Variants in ARHGAP24 observed in about 807,000 individuals in gnomAD.
ARHGAP24 encodes Rho GTPase activating protein 24, also known as rho GTPase-activating protein 24.
Under a neutral mutation model 76.4 loss-of-function variants are expected in ARHGAP24, and 50 were observed. That is an observed-to-expected ratio of 0.65 (90% CI 0.52 to 0.83). The LOEUF is 0.83. Ranked by LOEUF, ARHGAP24 falls within the 40% of genes least tolerant of loss-of-function variation. The pLI, the probability that ARHGAP24 is intolerant of heterozygous loss-of-function variation, is 0.00. For missense variants in ARHGAP24, 930 were observed against 914.2 expected (o/e 1.02, Z -0.22); for synonymous variants, 345 against 323.3 (o/e 1.07, Z -0.72).
chr4:85,541,593 TAGTAATC>T (rs1352258804), intron 1 of ARHGAP24, among the ~76,000 whole-genome samples: 1 of 152,230 alleles, frequency 6.6e-6, no homozygotes, highest in Non-Finnish European at 1.5e-5. Context: ...TTTCAAAAAT[TAGTAATC>T]AGTTCCTTTT....
intron 2 of ARHGAP24, among the ~76,000 whole-genome samples, chr4:85,659,852 A>G (rs4693122): frequency 0.34 from 51,245 of 152,056 alleles, 9,650 homozygotes; most frequent in East Asian, 0.84. Flanking sequence ...GTAGTACCAC[A>G]CACTTCCCCA....
chr4:85,975,211 C>T (rs1215489676), intron 7 of ARHGAP24, among the ~76,000 whole-genome samples: 1 of 152,090 alleles, frequency 6.6e-6, no homozygotes, highest in African/African-American at 2.4e-5. Context: ...GAACTTCAAT[C>T]AAGTTTTTTG....
intron 2 of ARHGAP24, among the ~76,000 whole-genome samples, chr4:85,675,253 G>A (rs1722941643): frequency 6.6e-6 from 1 of 152,110 alleles, no homozygotes; most frequent in African/African-American, 2.4e-5. Flanking sequence ...AGACAATACT[G>A]TACATAATCA....
At chr4:85,662,934 T>C (rs1249726735) in intron 2 of ARHGAP24, among the ~76,000 whole-genome samples, 5 of 151,656 alleles carry the variant, frequency 3.3e-5, no homozygotes, top group Non-Finnish European at 5.9e-5. Flanking sequence ...TGTAGTATAG[T>C]TTGAAGTCAG....
chr4:85,578,102 A>G (rs1357317628), intron 2 of ARHGAP24, among the ~76,000 whole-genome samples: 3 of 152,356 alleles, frequency 2.0e-5, no homozygotes, highest in African/African-American at 2.4e-5. Context: ...AACTCATTCT[A>G]TGTACAGTTC....
At chr4:85,582,508 C>T (rs1452316390) in intron 2 of ARHGAP24, among the ~76,000 whole-genome samples, 3 of 151,982 alleles carry the variant, frequency 2.0e-5, no homozygotes, top group African/African-American at 4.8e-5. Context: ...AGATACAAAA[C>T]GCATGAGATA....
chr4:85,543,702 A>G (rs2110124560), intron 1 of ARHGAP24, among the ~76,000 whole-genome samples: 1 of 152,340 alleles, frequency 6.6e-6, no homozygotes, highest in Non-Finnish European at 1.5e-5. Context: ...ATGTAAGACG[A>G]CATCACTAGT....
At position 85,995,680 on chromosome 4, in the gene ARHGAP24, A is replaced by G. The variant is rs376246371; in HGVS notation, c.2003+23A>G. The G allele has an allele frequency of 7.8e-4, 1,246 of 1,607,342 alleles. 3 individuals are homozygous for G. The highest frequency in any genetic ancestry group is 9.8e-4 in the Non-Finnish European group (1,152 of 1,174,486). ...GAGGTAAGGAAAATCTGGAGGTCGT[A>G]ACTACCAGAGAGGGCTCAGTAGCCT... is the stretch of plus-strand genomic sequence containing the variant. On this transcript the variant is annotated intron_variant, in intron 9 of 9. Coordinates refer to ENST00000395184, the MANE Select transcript of ARHGAP24 (RefSeq NM_001025616.3).
chr4:85,840,426 C>T (rs1266372774), intron 3 of ARHGAP24, among the ~76,000 whole-genome samples: 1 of 152,212 alleles, frequency 6.6e-6, no homozygotes, highest in African/African-American at 2.4e-5. Flanking sequence ...AGGGTGCACA[C>T]TGCGCCCAGG....
chr4:85,497,392 A>C (rs1723622912), intron 1 of ARHGAP24, among the ~76,000 whole-genome samples: 1 of 152,258 alleles, frequency 6.6e-6, no homozygotes, highest in Non-Finnish European at 1.5e-5. Context: ...AAATTTTGTA[A>C]AGATTAATTG....
intron 7 of ARHGAP24, among the ~76,000 whole-genome samples, chr4:85,977,211 CT>C (rs1410763828): frequency 6.6e-6 from 1 of 152,078 alleles, no homozygotes; most frequent in Non-Finnish European, 1.5e-5. Context: ...TTACAGTCCC[CT>C]AATTGAATAG....
At chr4:85,582,305 C>CTTATCTA (rs1727646339) in intron 2 of ARHGAP24, among the ~76,000 whole-genome samples, 1 of 152,032 alleles carries the variant, frequency 6.6e-6, no homozygotes. Context: ...CAAATAATGA[C>CTTATCTA]ACTATGGCTT....
At chr4:85,915,059 T>A (rs983249879) in intron 3 of ARHGAP24, among the ~76,000 whole-genome samples, 14 of 152,180 alleles carry the variant, frequency 9.2e-5, no homozygotes, top group African/African-American at 3.4e-4. Flanking sequence ...GAAGATTCTA[T>A]CAGAAGAATG....
intron 2 of ARHGAP24, among the ~76,000 whole-genome samples, chr4:85,631,854 C>G (rs959694917): frequency 6.6e-6 from 1 of 151,950 alleles, no homozygotes; most frequent in Non-Finnish European, 1.5e-5. Context: ...ATACAGAAAA[C>G]TGAGGTCAGA....
At chr4:85,888,620 TA>T (rs1218061020) in intron 3 of ARHGAP24, among the ~76,000 whole-genome samples, 3 of 152,020 alleles carry the variant, frequency 2.0e-5, no homozygotes, top group Admixed American at 6.6e-5. Flanking sequence ...TTCTTTTTTT[TA>T]AAAAAAACTT....
Position 85,880,591 on chromosome 4 carries a change from C to T in ARHGAP24, c.269-43057C>T, listed in dbSNP as rs193179692. On this transcript the variant is annotated intron_variant, in intron 3 of 9. Coordinates refer to ENST00000395184, the MANE Select transcript of ARHGAP24 (RefSeq NM_001025616.3). The stretch of plus-strand genomic sequence containing the variant: ...TCGCCCAGGCTGGAGTGCAGTGGCA[C>T]GACCTCTGCTCACTGCAAGCTCCGC... 5.3e-3 allele frequency among the ~76,000 whole-genome samples: 811 copies of T among 152,176 alleles called. 3 individuals carry two copies. The highest frequency in any genetic ancestry group is 7.9e-3 in the Non-Finnish European group (540 of 68,014).
intron 1 of ARHGAP24, among the ~76,000 whole-genome samples, chr4:85,509,172 A>G: frequency 7.6e-6 from 1 of 131,584 alleles, no homozygotes; most frequent in Non-Finnish European, 1.6e-5. Flanking sequence ...AGGAAGGGGA[A>G]CATCACACTC....
intron 2 of ARHGAP24, among the ~76,000 whole-genome samples, chr4:85,719,883 CT>C: frequency 1.3e-5 from 2 of 152,008 alleles, no homozygotes; most frequent in Non-Finnish European, 2.9e-5. Flanking sequence ...TGTAGACAAT[CT>C]TAAAAATGGT....
chr4:85,529,380 C>A (rs1450279709), intron 1 of ARHGAP24, among the ~76,000 whole-genome samples: 1 of 151,984 alleles, frequency 6.6e-6, no homozygotes, highest in East Asian at 1.9e-4. Context: ...GTCTGACATT[C>A]TGATTTTCAG....
Sources: gnomAD v4.1 joint callset for allele counts (sites outside exome capture counted in the v4.1 genomes callset) on GRCh38, gnomAD v4.1.1 for gene constraint, MANE v1.5 for transcripts, NCBI Gene and HGNC (gene_info 2026-07-23, HGNC 2026-07-21) for gene names.